The following NEDD4L variants were observed in gnomAD, a reference collection of about 807,000 sequenced individuals.
NEDD4L encodes NEDD4 like E3 ubiquitin protein ligase.
NEDD4L carries 54 observed loss-of-function variants against 148.9 expected under a neutral mutation model. The ratio of observed to expected loss-of-function variants is 0.36; its 90% CI spans 0.29 to 0.45. The LOEUF is 0.45. Ranked by LOEUF, NEDD4L falls within the 20% of genes least tolerant of loss-of-function variation. The pLI, the probability that NEDD4L is intolerant of heterozygous loss-of-function variation, is 1.00. For synonymous variants in NEDD4L, 433 were observed against 440.7 expected, an observed-to-expected ratio of 0.98 and a Z score of 0.22; for missense variants, 856 against 1,233.8, an observed-to-expected ratio of 0.69 and a Z score of 4.59.
At chr18:58,272,451 C>T (rs1158025317) in intron 5 of NEDD4L, among the ~76,000 whole-genome samples, 1 of 152,084 alleles carries the variant, frequency 6.6e-6, no homozygotes, top group Non-Finnish European at 1.5e-5. Context: ...GTCTGGGCAA[C>T]ATGGCAAAAC....
intron 2 of NEDD4L, among the ~76,000 whole-genome samples, chr18:58,201,940 T>C (rs1022608610): frequency 3.3e-5 from 5 of 152,232 alleles, no homozygotes; most frequent in Non-Finnish European, 5.9e-5. Flanking sequence ...CAGTCCCCTA[T>C]TGATGGACAC....
At chr18:58,160,642 T>G (rs2036086514) in intron 1 of NEDD4L, among the ~76,000 whole-genome samples, 1 of 152,240 alleles carries the variant, frequency 6.6e-6, no homozygotes, top group Non-Finnish European at 1.5e-5. Flanking sequence ...AGTAATAAAA[T>G]GCTTCAGAAA....
At chr18:58,334,123 A>C in intron 12 of NEDD4L, 1 of 437,332 alleles carries the variant, frequency 2.3e-6, no homozygotes, top group East Asian at 3.6e-5. Context: ...TTTTCACCCA[A>C]ATTTATACCA....
intron 1 of NEDD4L, among the ~76,000 whole-genome samples, chr18:58,093,958 A>G (rs922751322): frequency 2.6e-5 from 4 of 152,146 alleles, no homozygotes; most frequent in African/African-American, 9.7e-5. Flanking sequence ...AGAGTGATTG[A>G]GGCAGGGCTG....
At chr18:58,270,300 T>C (rs1253330986) in intron 5 of NEDD4L, among the ~76,000 whole-genome samples, 1 of 152,176 alleles carries the variant, frequency 6.6e-6, no homozygotes, top group African/African-American at 2.4e-5. Flanking sequence ...AAAGGTAACC[T>C]GGGTCAACTC....
intron 1 of NEDD4L, chr18:58,149,637 C>A: frequency 1.1e-6 from 1 of 907,928 alleles, no homozygotes; most frequent in Non-Finnish European, 1.8e-6. Context: ...TCCACATCCA[C>A]CCATAGTCAT....
chr18:58,399,661 T>C lies in NEDD4L; in HGVS notation c.*3392T>C, dbSNP rs1300482459. On this transcript the variant is annotated 3_prime_UTR_variant, in exon 31 of 31. Transcript: ENST00000400345. ...CACCACCACGCCTGGCTAATTTTTG[T>C]ATTTTTAGTAGAGATGGTTTCACCA... The C allele has an allele frequency of 1.3e-5, 2 of 152,204 alleles. No individual in the cohort carries two copies. Among genetic ancestry groups the C allele is most frequent in the Non-Finnish European group, 2.9e-5 (2 of 68,078 alleles). 9.4% of individuals were successfully genotyped at this position (152,204 alleles called of 1,614,324 possible). A position where few individuals can be genotyped will look rare whatever the true frequency, so the allele number is the denominator to read the frequency against.
At chr18:58,079,984 G>A (rs1284683217) in intron 1 of NEDD4L, among the ~76,000 whole-genome samples, 6 of 152,152 alleles carry the variant, frequency 3.9e-5, no homozygotes, top group Admixed American at 6.5e-5. Context: ...CTGGGGGGCA[G>A]TGGCACGATC....
At chr18:58,181,808 G>A (rs975819918) in intron 2 of NEDD4L, among the ~76,000 whole-genome samples, 1 of 152,050 alleles carries the variant, frequency 6.6e-6, no homozygotes, top group African/African-American at 2.4e-5. Flanking sequence ...ATTTGGCTTT[G>A]GAATAAAAAG....
chr18:58,050,089 T>A (rs2081795929), intron 1 of NEDD4L, among the ~76,000 whole-genome samples: 1 of 152,220 alleles, frequency 6.6e-6, no homozygotes, highest in African/African-American at 2.4e-5. Context: ...TATTTAGTTT[T>A]ATTAAATCAG....
At chr18:58,282,070 CAT>C (rs1233766358) in intron 5 of NEDD4L, among the ~76,000 whole-genome samples, 2 of 147,262 alleles carry the variant, frequency 1.4e-5, no homozygotes, top group South Asian at 2.1e-4. Flanking sequence ...GTTTAATAAA[CAT>C]ATTTTAAATT....
intron 1 of NEDD4L, among the ~76,000 whole-genome samples, chr18:58,089,478 C>T (rs1270599525): frequency 6.6e-6 from 1 of 152,074 alleles, no homozygotes; most frequent in African/African-American, 2.4e-5. Context: ...TTGGCTGGGG[C>T]ACGTATAACT....
chr18:58,122,368 C>T (rs964976944), intron 1 of NEDD4L, among the ~76,000 whole-genome samples: 1 of 152,108 alleles, frequency 6.6e-6, no homozygotes, highest in African/African-American at 2.4e-5. Context: ...GGTGTGGTGG[C>T]GGGCGCCTGT....
chr18:58,258,594 A>G (rs2048914589), intron 5 of NEDD4L, among the ~76,000 whole-genome samples: 4 of 152,224 alleles, frequency 2.6e-5, no homozygotes, highest in Admixed American at 2.6e-4. Flanking sequence ...GTGAAAAACA[A>G]GTTTCTACAC....
intron 30 of NEDD4L, among the ~76,000 whole-genome samples, chr18:58,393,661 A>C (rs1426758397): frequency 6.6e-6 from 1 of 152,108 alleles, no homozygotes; most frequent in Non-Finnish European, 1.5e-5. Flanking sequence ...TTTCCTCCCT[A>C]CCTGACCCTG....
intron 2 of NEDD4L, among the ~76,000 whole-genome samples, chr18:58,221,314 A>T (rs1216044089): frequency 6.6e-6 from 1 of 152,084 alleles, no homozygotes; most frequent in East Asian, 1.9e-4. Context: ...AAACCTCATG[A>T]CCTCTGTTAT....
chr18:58,154,289 TG>T lies in NEDD4L; in HGVS notation c.49-11495del, dbSNP rs1248837615. ...GCCCAGATAGAACCTTCTGCCTCTTTGGGGTAAAATTCGATTTCAAAGAGAG... is the reference window on the plus strand; with the variant it reads ...GCCCAGATAGAACCTTCTGCCTCTTTGGGTAAAATTCGATTTCAAAGAGAG... On this transcript the variant is annotated intron_variant, in intron 1 of 30. Coordinates refer to ENST00000400345, the MANE Select transcript of NEDD4L (RefSeq NM_001144967.3). 1.3e-5 allele frequency among the ~76,000 whole-genome samples: 2 copies of T among 152,062 alleles called. 1 individual carries two copies. Among genetic ancestry groups the T allele is most frequent in the Non-Finnish European group, 2.9e-5 (2 of 68,012 alleles).
intron 5 of NEDD4L, among the ~76,000 whole-genome samples, chr18:58,308,959 C>T (rs2057361581): frequency 6.6e-6 from 1 of 152,248 alleles, no homozygotes; most frequent in African/African-American, 2.4e-5. Context: ...CCTGAGTGGG[C>T]TGCACCCTCG....
chr18:58,173,542 G>T (rs1227569392), intron 2 of NEDD4L, among the ~76,000 whole-genome samples: 1 of 152,112 alleles, frequency 6.6e-6, no homozygotes, highest in Non-Finnish European at 1.5e-5. Context: ...GAGAGTGATG[G>T]GGTCCTAACT....
Sources: allele counts gnomAD v4.1 joint callset (sites outside exome capture counted in the v4.1 genomes callset), GRCh38; gene constraint gnomAD v4.1.1; transcripts MANE v1.5; gene names NCBI Gene and HGNC (gene_info 2026-07-23, HGNC 2026-07-21).